RPTOR: variants seen among roughly 807,000 people sequenced by gnomAD.
The protein encoded by RPTOR is regulatory-associated protein of mTOR.
A neutral mutation model predicts 169.9 loss-of-function variants in RPTOR; 21 were observed. The observed-to-expected ratio is 0.12, with a 90% CI of 0.09 to 0.18. The LOEUF is 0.18. Among genes scored for constraint, RPTOR ranks in the 10% least tolerant of loss-of-function variants. The probability of loss-of-function intolerance (pLI) is 1.00; values close to 1 mark genes in which losing one functional copy is unlikely to be tolerated. For synonymous variants in RPTOR, 732 were observed against 753.2 expected (o/e 0.97, Z 0.46); for missense variants, 1,133 against 1,855.9 (o/e 0.61, Z 7.16).
rs1347680347 is a variant in RPTOR at position 80,949,563 on chromosome 17, T to C, written c.3370+16T>C. On this transcript the variant is annotated intron_variant, in intron 28 of 33. Coordinates refer to ENST00000306801, the MANE Select transcript of RPTOR (RefSeq NM_020761.3). ...ACGACGCGAGGTGGGTCCGCCCGGC[T>C]CCTCCCCAGAGCAGAATGTGTTCCC... 2 of 1,605,004 alleles carry C rather than the reference T, an allele frequency of 1.2e-6. No homozygotes were observed. Among genetic ancestry groups the C allele is most frequent in the Non-Finnish European group, 1.7e-6 (2 of 1,172,636 alleles).
Position 80,961,430 on chromosome 17 carries a change from G to C in RPTOR, c.3642G>C (p.Val1214=), listed in dbSNP as rs1450759694. 1 of 1,551,482 alleles carries C rather than the reference G, an allele frequency of 6.4e-7. No homozygotes were observed. Among genetic ancestry groups the C allele is most frequent in the South Asian group, 1.2e-5 (1 of 84,190 alleles). Residue 1214 remains valine (V), a synonymous_variant, in exon 31 of 34, where the codon GTG becomes GTC. Transcript: ENST00000306801. ...VMTYREHTAW[V]VKASLQKRPD... is the part of the protein sequence containing the mutation. ...CGTACCGGGAGCACACAGCCTGGGT[G>C]GTGAAGGCCTCCCTGCAGAAGCGTC...
chr17:80,621,927 C>T (rs377492760), intron 1 of RPTOR, among the ~76,000 whole-genome samples: 9 of 152,326 alleles, frequency 5.9e-5, no homozygotes, highest in Non-Finnish European at 1.0e-4. Flanking sequence ...CCCAGGGCAG[C>T]GGCGGTGGCA....
chr17:80,869,444 C>CT lies in RPTOR; in HGVS notation c.1510-10970dup, dbSNP rs200766564. Reference sequence around the variant, plus strand: ...GTGCTGGGATTACAGGCGTGAGCCACTACACCTGGCCCCCCTTCTAGATTT... The same window carrying CT: ...GTGCTGGGATTACAGGCGTGAGCCACTTACACCTGGCCCCCCTTCTAGATTT... On this transcript the variant is annotated intron_variant, in intron 13 of 33. Coordinates refer to ENST00000306801, the MANE Select transcript of RPTOR (RefSeq NM_020761.3). Among the ~76,000 whole-genome samples, 963 of 152,336 alleles carry CT rather than the reference C, an allele frequency of 6.3e-3. 11 individuals carry two copies. The highest frequency in any genetic ancestry group is 0.022 in the African/African-American group (913 of 41,578).
chr17:80,762,371 T>C (rs2066744721), intron 6 of RPTOR, among the ~76,000 whole-genome samples: 1 of 152,042 alleles, frequency 6.6e-6, no homozygotes, highest in South Asian at 2.1e-4. Context: ...CACTGGGGGC[T>C]GGGGTGAGGG....
At chr17:80,666,025 G>A (rs951512853) in intron 3 of RPTOR, among the ~76,000 whole-genome samples, 2 of 152,146 alleles carry the variant, frequency 1.3e-5, no homozygotes, top group Non-Finnish European at 2.9e-5. Flanking sequence ...TGCCTTGACT[G>A]GGACTTGTGG....
intron 20 of RPTOR, among the ~76,000 whole-genome samples, chr17:80,899,424 A>G (rs868351980): frequency 2.4e-4 from 37 of 152,268 alleles, no homozygotes; most frequent in African/African-American, 8.7e-4. Context: ...TTTTTTAAGT[A>G]CTAGAAAATG....
At chr17:80,693,660 C>T (rs6565476) in intron 3 of RPTOR, among the ~76,000 whole-genome samples, 34,657 of 152,172 alleles carry the variant, frequency 0.23, 4,015 homozygotes, top group East Asian at 0.3. Flanking sequence ...TTCCTACTCT[C>T]AGCATCTGCC....
chr17:80,755,312 G>T (rs969889941), intron 6 of RPTOR, among the ~76,000 whole-genome samples: 1 of 152,182 alleles, frequency 6.6e-6, no homozygotes, highest in Non-Finnish European at 1.5e-5. Flanking sequence ...GGAGATGAAG[G>T]GAAGAGGGCT....
At position 80,960,107 on chromosome 17, in the gene RPTOR, G is replaced by A. The variant is rs1293014492; in HGVS notation, c.3507G>A (p.Val1169=). Residue 1169 remains valine, a synonymous_variant, in exon 30 of 34, where the codon GTG becomes GTA. Transcript: ENST00000306801. This position sits in a 1 kb window ranked among gnomAD's most constrained non-coding sequence, Gnocchi z 4.8. ...TCCCTACGGGCGCAGACAGCTGTGT[G>A]ACGAGTCTGTCCTGTGATTCCCACC... The part of the protein sequence containing the change: ...QDIPTGADSC[V]TSLSCDSHRS... The A allele has an allele frequency of 1.7e-5, 27 of 1,613,562 alleles. No homozygotes were observed. The highest frequency in any genetic ancestry group is 2.1e-5 in the Non-Finnish European group (25 of 1,180,010).
In RPTOR at chr17:80,860,246, C is replaced by T. The variant is rs528829551; in HGVS notation, c.1509+2346C>T. ...GCACTGGCCACCAGGACCTGCTGTGCTCGCTGAAGCTGCCCTGTTGGGCTT... is the reference window on the plus strand; with the variant it reads ...GCACTGGCCACCAGGACCTGCTGTGTTCGCTGAAGCTGCCCTGTTGGGCTT... On this transcript the variant is annotated intron_variant, in intron 13 of 33. Transcript: ENST00000306801. This position sits in a 1 kb window ranked among gnomAD's most constrained non-coding sequence, Gnocchi z 5.8. 6.6e-6 allele frequency among the ~76,000 whole-genome samples: 1 copy of T among 152,348 alleles called. No homozygotes were observed. Among genetic ancestry groups the T allele is most frequent in the East Asian group, 1.9e-4 (1 of 5,176 alleles).
chr17:80,801,591 T>C (rs2067158308), intron 7 of RPTOR: 1 of 152,214 alleles, frequency 6.6e-6, no homozygotes, highest in Non-Finnish European at 1.5e-5. Flanking sequence ...AGGGAAGTCA[T>C]ACACATGGAT....
At chr17:80,779,333 T>C (rs1210937291) in intron 6 of RPTOR, among the ~76,000 whole-genome samples, 3 of 152,234 alleles carry the variant, frequency 2.0e-5, no homozygotes, top group Non-Finnish European at 4.4e-5. Context: ...TTGAGGGCTC[T>C]GGCCAGGTCA....
intron 1 of RPTOR, among the ~76,000 whole-genome samples, chr17:80,563,378 C>CA (rs1376303665): frequency 2.9e-4 from 44 of 151,192 alleles, no homozygotes; most frequent in African/African-American, 9.9e-4. Flanking sequence ...ACTAAAAATA[C>CA]AAAAATTAGC....
At chr17:80,891,051 A>G (rs1264313866) in intron 17 of RPTOR, among the ~76,000 whole-genome samples, 1 of 152,108 alleles carries the variant, frequency 6.6e-6, no homozygotes, top group Non-Finnish European at 1.5e-5. Flanking sequence ...TTTTAAACCT[A>G]CATCCCCCTT....
At position 80,823,272 on chromosome 17, in the gene RPTOR, G is replaced by A. The variant is rs2067402224; in HGVS notation, c.1136+49G>A. Reference sequence around the variant, plus strand: ...GTGCCGTGCTCCCCCGCCCTCCGTGGCACTGTGATGTCATGGAATTGCACG... The same window carrying A: ...GTGCCGTGCTCCCCCGCCCTCCGTGACACTGTGATGTCATGGAATTGCACG... On this transcript the variant is annotated intron_variant, in intron 9 of 33. Transcript: ENST00000306801. The surrounding 1 kb of genome is among the most constrained non-coding windows in gnomAD (Gnocchi z 4.5). The A allele has an allele frequency of 1.3e-6, 2 of 1,598,358 alleles. No homozygotes were observed. Among genetic ancestry groups the A allele is most frequent in the Non-Finnish European group, 1.7e-6 (2 of 1,170,192 alleles).
intron 17 of RPTOR, among the ~76,000 whole-genome samples, chr17:80,886,821 C>G (rs972540101): frequency 4.6e-5 from 7 of 152,196 alleles, no homozygotes; most frequent in Non-Finnish European, 8.8e-5. Flanking sequence ...GCAGCTGTCT[C>G]GGGGATGCTG....
rs200699723 is a variant in RPTOR at position 80,823,643 on chromosome 17, A to T, written c.1136+420A>T. On this transcript the variant is annotated intron_variant, in intron 9 of 33. Transcript: ENST00000306801. This position sits in a 1 kb window ranked among gnomAD's most constrained non-coding sequence, Gnocchi z 4.5. ...CAATTAGTTTTTATGCTTATTTCTC[A>T]CACACACACACACACACACACACAC... 3.1e-4 allele frequency: 10 copies of T among 32,408 alleles called. No homozygotes were observed. The highest frequency in any genetic ancestry group is 1.1e-3 in the African/African-American group (6 of 5,634). The allele number at this position is 32,408 out of a possible 1,614,324, so 2.0% of individuals were successfully genotyped here.
intron 18 of RPTOR, 85 bp from the exon 19 acceptor site, chr17:80,892,644 G>T: frequency 6.7e-7 from 1 of 1,481,522 alleles, no homozygotes; most frequent in South Asian, 1.2e-5. Flanking sequence ...TGCCGTCACC[G>T]AGTGTCCCAG....
chr17:80,775,043 T>A (rs2066880461), intron 6 of RPTOR, among the ~76,000 whole-genome samples: 1 of 152,198 alleles, frequency 6.6e-6, no homozygotes, highest in Admixed American at 6.5e-5. Flanking sequence ...GCTGTCTGCA[T>A]CTTCATGGTG....
Sources: gnomAD v4.1 joint callset for allele counts (sites outside exome capture counted in the v4.1 genomes callset) on GRCh38, gnomAD v4.1.1 for gene constraint, Gnocchi (gnomAD v3.1) non-coding constraint, MANE v1.5 for transcripts, NCBI Gene and HGNC (gene_info 2026-07-23, HGNC 2026-07-21) for gene names.